PHF7: variants seen among roughly 807,000 people sequenced by gnomAD.
The protein encoded by PHF7 is PHD finger protein 7.
A neutral mutation model predicts 47.5 loss-of-function variants in PHF7; 24 were observed. The ratio of observed to expected loss-of-function variants is 0.51; its 90% confidence interval spans 0.37 to 0.71. PHF7 has a LOEUF of 0.71. Among genes scored for constraint, PHF7 ranks in the 30% least tolerant of loss-of-function variants. PHF7 has a pLI of 0.00. For missense variants in PHF7, 361 were observed against 456.8 expected, an observed-to-expected ratio of 0.79 and a Z score of 1.91; for synonymous variants, 156 against 153.8, an observed-to-expected ratio of 1.01 and a Z score of -0.11.
chr3:52,422,905 C>T, intron 10 of PHF7, 24 bp downstream of exon 10: 1 of 1,613,814 alleles, frequency 6.2e-7, no homozygotes, highest in Non-Finnish European at 8.5e-7. Context: ...GATGGGCCGG[C>T]CTCAGAGCAA....
At chr3:52,420,721 T>C (rs1173793640) in intron 6 of PHF7, among the ~76,000 whole-genome samples, 182 bp from the exon 7 acceptor site, 1 of 152,146 alleles carries the variant, frequency 6.6e-6, no homozygotes, top group Admixed American at 6.5e-5. Flanking sequence ...CCTGGGAACT[T>C]TGCTCAGTAG....
chr3:52,423,060 G>A, intron 10 of PHF7, 31 bp from the exon 11 acceptor site: 1 of 1,540,902 alleles, frequency 6.5e-7, no homozygotes, highest in Non-Finnish European at 9.0e-7. Flanking sequence ...GCAGAGGCTT[G>A]AGTTTTCCTC....
At chr3:52,413,040 A>T (rs1307661208) in intron 2 of PHF7, 120 bp downstream of exon 2, 1 of 759,064 alleles carries the variant, frequency 1.3e-6, no homozygotes, top group African/African-American at 1.7e-5. Flanking sequence ...GTGGAAGCAC[A>T]CACGGAGCTG....
rs116732974 is a variant in PHF7, at chr3:52,421,565, T to C, written c.574-83T>C. Reference sequence around the variant, plus strand: ...CTCAAACTCTCTTAGCAACATCCTCTTTGTAGGGGTGAGGGTGGGAGGAGA... The same window carrying C: ...CTCAAACTCTCTTAGCAACATCCTCCTTGTAGGGGTGAGGGTGGGAGGAGA... On this transcript the variant is annotated intron_variant, in intron 7 of 10. Transcript: ENST00000327906. The C allele has an allele frequency of 1.5e-3, 1,249 of 824,690 alleles. 7 individuals carry two copies. The highest frequency in any genetic ancestry group is 1.9e-3 in the Non-Finnish European group (894 of 472,014). The allele number at this position is 824,690 out of a possible 1,614,324, so 51.1% of individuals were successfully genotyped here.
intron 1 of PHF7, among the ~76,000 whole-genome samples, chr3:52,412,231 G>C (rs868375427): frequency 6.6e-6 from 1 of 151,972 alleles, no homozygotes; most frequent in African/African-American, 2.4e-5. Context: ...GAGCCTAGGG[G>C]GTGTTTGTCA....
rs1345651235 is a variant in PHF7, at chr3:52,412,897, AAAG to A, written c.22_24del (p.Lys8del). On this transcript the variant is annotated inframe_deletion, in exon 2 of 11. Coordinates refer to ENST00000327906, the MANE Select transcript of PHF7 (RefSeq NM_016483.7). ...AGCACCGAATGAAGACTGTAAAAGA[AAAG>A]AAGGAATGCCAGAGATTGAGGTAGA... is the stretch of plus-strand genomic sequence containing the variant. 7 of 1,610,758 alleles carry A rather than the reference AAAG, an allele frequency of 4.3e-6. No individual in the cohort carries two copies. The highest frequency in any genetic ancestry group is 2.2e-5 in the East Asian group (1 of 44,856).
At chr3:52,415,021 G>T (rs1007591795) in intron 4 of PHF7, among the ~76,000 whole-genome samples, 2 of 151,938 alleles carry the variant, frequency 1.3e-5, no homozygotes, top group East Asian at 1.9e-4. Flanking sequence ...TATGTGTCTG[G>T]TATAAAATCT....
intron 5 of PHF7, 143 bp from the exon 6 acceptor site, chr3:52,420,168 C>T (rs904467168): frequency 6.7e-5 from 63 of 942,192 alleles, no homozygotes; most frequent in South Asian, 1.8e-4. Context: ...GCTCAGCTTC[C>T]GGGTGCCCCA....
At chr3:52,420,713 T>C (rs925559097) in intron 6 of PHF7, among the ~76,000 whole-genome samples, 190 bp from the exon 7 acceptor site, 2 of 152,146 alleles carry the variant, frequency 1.3e-5, no homozygotes, top group African/African-American at 4.8e-5. Context: ...GAGACAGTCC[T>C]GGGAACTTTG....
chr3:52,419,775 T>C, intron 4 of PHF7, 58 bp from the exon 5 acceptor site: 1 of 958,966 alleles, frequency 1.0e-6, no homozygotes, highest in Non-Finnish European at 1.7e-6. Flanking sequence ...TCTCCTCACC[T>C]CACTGCACTG....
intron 3 of PHF7, 136 bp downstream of exon 3, chr3:52,414,184 G>T: frequency 1.5e-6 from 1 of 648,086 alleles, no homozygotes; most frequent in Non-Finnish European, 2.8e-6. Context: ...AGATCTTGAG[G>T]ACTCAGGAAC....
At chr3:52,423,000 T>G (rs1705840396) in intron 10 of PHF7, 91 bp from the exon 11 acceptor site, 27 of 1,527,394 alleles carry the variant, frequency 1.8e-5, no homozygotes, top group Non-Finnish European at 2.4e-5. Context: ...GCCTTTGACT[T>G]TGGAAGGAAA....
intron 9 of PHF7, 70 bp from the exon 10 acceptor site, chr3:52,422,690 T>A: frequency 6.4e-7 from 1 of 1,567,832 alleles, no homozygotes; most frequent in Middle Eastern, 1.7e-4. Flanking sequence ...GCCTGGCCCA[T>A]AGCAAACATC....
intron 4 of PHF7, among the ~76,000 whole-genome samples, chr3:52,419,172 G>C (rs1467897733): frequency 6.6e-6 from 1 of 152,102 alleles, no homozygotes; most frequent in Non-Finnish European, 1.5e-5. Context: ...GCACACAATA[G>C]CAGCCCTCAG....
intron 4 of PHF7, among the ~76,000 whole-genome samples, chr3:52,418,764 T>A (rs1372985144): frequency 1.3e-5 from 2 of 151,864 alleles, no homozygotes; most frequent in Non-Finnish European, 2.9e-5. Context: ...CTCAGCGGCC[T>A]CCTCTGTAAG....
In PHF7 at chr3:52,423,367, C is replaced by T. The variant is rs1450071865; in HGVS notation, c.*50C>T. 2.4e-6 allele frequency: 3 copies of T among 1,245,068 alleles called. 1 individual carries two copies. Among genetic ancestry groups the T allele is most frequent in the South Asian group, 2.6e-5 (2 of 75,768 alleles). The allele number at this position is 1,245,068 out of a possible 1,614,324, so 77.1% of individuals were successfully genotyped here. On this transcript the variant is annotated 3_prime_UTR_variant, in exon 11 of 11. Transcript: ENST00000327906. Reference sequence around the variant, plus strand: ...ACACAATAGGGTATGAAGCTGCGCTCCTCCATCGGGTTTGGGGAGGGAGCA... The same window carrying T: ...ACACAATAGGGTATGAAGCTGCGCTTCTCCATCGGGTTTGGGGAGGGAGCA...
intron 4 of PHF7, 83 bp downstream of exon 4, chr3:52,414,670 C>T: frequency 4.0e-6 from 3 of 756,246 alleles, no homozygotes; most frequent in East Asian, 2.8e-5. Context: ...TCCTCATATC[C>T]ACAGCCTTGT....
chr3:52,419,041 A>G (rs890757803), intron 4 of PHF7, among the ~76,000 whole-genome samples: 4 of 152,014 alleles, frequency 2.6e-5, no homozygotes, highest in African/African-American at 9.7e-5. Flanking sequence ...CTGACCTCAG[A>G]TGGTCAGCCC....
intron 4 of PHF7, among the ~76,000 whole-genome samples, chr3:52,416,300 A>G (rs1208173523): frequency 6.7e-6 from 1 of 150,220 alleles, no homozygotes; most frequent in Non-Finnish European, 1.5e-5. Context: ...ATTCTCCTGC[A>G]TCAGCCTCCC....
Sources: allele counts gnomAD v4.1 joint callset (sites outside exome capture counted in the v4.1 genomes callset), GRCh38; gene constraint gnomAD v4.1.1; transcripts MANE v1.5; gene names NCBI Gene and HGNC (gene_info 2026-07-23, HGNC 2026-07-21).